C2CD3: variants seen among roughly 807,000 people sequenced by gnomAD.
C2CD3 encodes C2 domain containing 3 centriole elongation regulator.
In C2CD3, 148 loss-of-function variants were observed where a neutral mutation model predicts 234.0. The ratio of observed to expected loss-of-function variants is 0.63; its 90% CI spans 0.55 to 0.72. C2CD3 has a LOEUF of 0.72. Ranked by LOEUF, C2CD3 falls within the 30% of genes least tolerant of loss-of-function variation. The pLI is 0.00. For missense variants in C2CD3, 2,577 were observed against 2,811.5 expected (o/e 0.92, Z 1.89); for synonymous variants, 1,000 against 1,035.4 (o/e 0.97, Z 0.66).
At chr11:74,137,370 T>C (rs576505303) in intron 5 of C2CD3, among the ~76,000 whole-genome samples, 79 of 152,202 alleles carry the variant, frequency 5.2e-4, no homozygotes, top group Admixed American at 2.9e-3. Context: ...TTGGTAGTGC[T>C]GAATAGATAA....
intron 9 of C2CD3, among the ~76,000 whole-genome samples, chr11:74,116,836 ATATATACACGTGTATATGTG>A (rs1213225606): frequency 8.3e-5 from 12 of 143,828 alleles, no homozygotes; most frequent in Admixed American, 2.8e-4. Context: ...ACGTGTGTGT[ATATATACACGTGTATATGTG>A]TATATACACG....
chr11:74,093,520 C>T (rs924764678), intron 18 of C2CD3, among the ~76,000 whole-genome samples: 14 of 151,388 alleles, frequency 9.2e-5, no homozygotes, highest in South Asian at 6.3e-4. Flanking sequence ...CAGTAAGGGA[C>T]GCACAAAAAA....
chr11:74,138,583 T>A lies in C2CD3; in HGVS notation c.955+137A>T. 3 of 683,462 alleles carry A rather than the reference T, an allele frequency of 4.4e-6. No homozygotes were observed. The South Asian group carries it at 5.4e-5, about 12-fold the overall frequency. 42.3% of individuals were successfully genotyped at this position (683,462 alleles called of 1,614,324 possible). A position where few individuals can be genotyped will look rare whatever the true frequency, so the allele number is the denominator to read the frequency against. On this transcript the variant is annotated intron_variant, in intron 5 of 32. Coordinates refer to ENST00000334126, the MANE Select transcript of C2CD3 (RefSeq NM_001286577.2). ...GCTGTCTTTAAATGGTGTGAGATGCTGGACTCTAGCAAGACTGCCTGTTTT... is the reference window on the plus strand; with the variant it reads ...GCTGTCTTTAAATGGTGTGAGATGCAGGACTCTAGCAAGACTGCCTGTTTT...
At chr11:74,161,171 A>C (rs1026798549) in intron 3 of C2CD3, among the ~76,000 whole-genome samples, 1 of 152,210 alleles carries the variant, frequency 6.6e-6, no homozygotes, top group Non-Finnish European at 1.5e-5. Flanking sequence ...TGAATGCTGT[A>C]GGAGGTGTGA....
At chr11:74,021,608 G>C (rs530502650) in intron 32 of C2CD3, among the ~76,000 whole-genome samples, 1 of 152,190 alleles carries the variant, frequency 6.6e-6, no homozygotes. Flanking sequence ...TGAAGAAAGT[G>C]TTCAAAGGAG....
intron 5 of C2CD3, 96 bp from the exon 6 acceptor site, chr11:74,133,653 T>C: frequency 1.5e-6 from 2 of 1,304,306 alleles, no homozygotes; most frequent in Non-Finnish European, 2.1e-6. Flanking sequence ...GACTCACTAG[T>C]GTGTACTGTA....
chr11:74,069,093 C>T (rs560531386), intron 24 of C2CD3, among the ~76,000 whole-genome samples: 5 of 152,346 alleles, frequency 3.3e-5, no homozygotes, highest in East Asian at 1.9e-4. Context: ...CCACTGCGTC[C>T]GGCCATCCTC....
intron 31 of C2CD3, among the ~76,000 whole-genome samples, chr11:74,032,321 C>T (rs1198910234): frequency 1.3e-5 from 2 of 152,200 alleles, no homozygotes; most frequent in Non-Finnish European, 2.9e-5. Context: ...CAGCCTGCTT[C>T]ACCTGCCAGC....
chr11:74,113,850 T>G lies in C2CD3; in HGVS notation c.1773A>C (p.Glu591Asp). ...VEYHFPVGFS[E>D]SGLGKTALIT... ...TCAAAGCTGTCTTTCCCAATCCGCT[T>G]TCCGAAAAGCCCACAGGAAAGTGAT... is the stretch of plus-strand genomic sequence containing the variant. Residue 591 changes from glutamate to aspartate, a missense_variant, in exon 11 of 33, where the codon GAA (glutamate) becomes GAC (aspartate). Physicochemically the swap from Glu to Asp is conservative, Grantham distance 45. Coordinates refer to ENST00000334126, the MANE Select transcript of C2CD3 (RefSeq NM_001286577.2). 6.2e-7 allele frequency: 1 copy of G among 1,607,450 alleles called. No individual in the cohort carries two copies. Among genetic ancestry groups the G allele is most frequent in the Non-Finnish European group, 8.5e-7 (1 of 1,178,192 alleles).
At chr11:74,147,367 T>C (rs1855285248) in intron 3 of C2CD3, among the ~76,000 whole-genome samples, 1 of 152,132 alleles carries the variant, frequency 6.6e-6, no homozygotes, top group Non-Finnish European at 1.5e-5. Context: ...CAGTGAGTCA[T>C]GATCTAACCA....
chr11:74,055,120 A>G (rs113429744), intron 25 of C2CD3, among the ~76,000 whole-genome samples: 10 of 152,370 alleles, frequency 6.6e-5, no homozygotes, highest in African/African-American at 2.4e-4. Context: ...TATACATTTC[A>G]TCTGCACAAA....
At chr11:74,082,234 GC>G (rs1565270293) in intron 22 of C2CD3, among the ~76,000 whole-genome samples, 1 of 151,252 alleles carries the variant, frequency 6.6e-6, no homozygotes, top group Non-Finnish European at 1.5e-5. Context: ...TCCTGCCTCA[GC>G]CCCCGGAGTA....
chr11:74,013,362 T>C lies in C2CD3; in HGVS notation c.*23A>G. 2 of 798,230 alleles carry C rather than the reference T, an allele frequency of 2.5e-6. No homozygotes were observed. Among genetic ancestry groups the C allele is most frequent in the South Asian group, 2.5e-5 (1 of 39,676 alleles). 49.4% of individuals were successfully genotyped at this position (798,230 alleles called of 1,614,324 possible). On this transcript the variant is annotated 3_prime_UTR_variant, in exon 33 of 33. Coordinates refer to ENST00000334126, the MANE Select transcript of C2CD3 (RefSeq NM_001286577.2). ...GACGGAGGGTGGGCAGGTGTCTCCT[T>C]CCCCCCAGCCCCTCAGGCTGCGTCA...
At chr11:74,122,916 C>CTGGCAAGTGATGTT in intron 8 of C2CD3, 72 bp downstream of exon 8, 1 of 1,264,560 alleles carries the variant, frequency 7.9e-7, no homozygotes, top group Non-Finnish European at 1.1e-6. Context: ...GCATAGCTGT[C>CTGGCAAGTGATGTT]ATGCCTGCAG....
At chr11:74,068,954 C>A (rs749654378) in intron 24 of C2CD3, among the ~76,000 whole-genome samples, 1 of 152,054 alleles carries the variant, frequency 6.6e-6, no homozygotes, top group Non-Finnish European at 1.5e-5. Context: ...TGCAGGCTTG[C>A]GCTCAGCTAA....
intron 22 of C2CD3, among the ~76,000 whole-genome samples, chr11:74,081,335 TG>T (rs1955348419): frequency 6.6e-6 from 1 of 152,096 alleles, no homozygotes; most frequent in African/African-American, 2.4e-5. Flanking sequence ...GTGTCTATTT[TG>T]GGGGGCATTT....
intron 29 of C2CD3, among the ~76,000 whole-genome samples, chr11:74,041,401 A>C (rs1953048722): frequency 6.6e-6 from 1 of 152,184 alleles, no homozygotes; most frequent in African/African-American, 2.4e-5. Flanking sequence ...TTCAAATGTG[A>C]CTTCTTTAAA....
Position 74,033,605 on chromosome 11 carries a change from C to G in C2CD3, c.6555G>C (p.Gln2185His), listed in dbSNP as rs1352293997. 1.3e-6 allele frequency: 2 copies of G among 1,536,160 alleles called. No homozygotes were observed. Among genetic ancestry groups the G allele is most frequent in the African/African-American group, 1.4e-5 (1 of 73,146 alleles). ...AGCTCCATCCAACAAACGTGCTGCT[C>G]TGTTGAGCTCCTGAGAGTGTTGGGC... Reference protein sequence around the residue: ...IPCPTLSGAQQSSTFVGWSSP... With the variant: ...IPCPTLSGAQHSSTFVGWSSP... Residue 2185 changes from glutamine (Q) to histidine (H), a missense_variant, in exon 31 of 33, where the codon CAG becomes CAC. Physicochemically the swap from Gln to His is conservative, Grantham distance 24. Transcript: ENST00000334126.
At chr11:74,114,666 C>T (rs1956866583) in intron 9 of C2CD3, 73 bp from the exon 10 acceptor site, 2 of 969,770 alleles carry the variant, frequency 2.1e-6, no homozygotes, top group Non-Finnish European at 1.7e-6. Context: ...TTTGCACAGG[C>T]AAGATGAGGA....
Sources: allele counts gnomAD v4.1 joint callset (sites outside exome capture counted in the v4.1 genomes callset), GRCh38; gene constraint gnomAD v4.1.1; transcripts MANE v1.5; gene names NCBI Gene and HGNC (gene_info 2026-07-23, HGNC 2026-07-21).